Variants in ST3GAL6 observed in about 807,000 individuals in gnomAD.
ST3GAL6 encodes type 2 lactosamine alpha-2,3-sialyltransferase.
ST3GAL6 carries 31 observed loss-of-function variants against 40.5 expected under a neutral mutation model. That is an observed-to-expected ratio of 0.77 (90% CI 0.58 to 1.03). The LOEUF (loss-of-function observed/expected upper bound fraction) is 1.03. Ranked by LOEUF, ST3GAL6 falls within the 50% of genes least tolerant of loss-of-function variation. The pLI, the probability that ST3GAL6 is intolerant of heterozygous loss-of-function variation, is 0.00. For synonymous variants in ST3GAL6, 129 were observed against 136.9 expected (o/e 0.94, Z 0.40); for missense variants, 357 against 393.2 (o/e 0.91, Z 0.78).
rs1216171282 is a variant in ST3GAL6 at position 98,795,059 on chromosome 3, A to G, written c.*1298A>G. The G allele has an allele frequency of 1.3e-5, 2 of 152,186 alleles. No individual in the cohort carries two copies. The highest frequency in any genetic ancestry group is 2.9e-5 in the Non-Finnish European group (2 of 68,026). 9.4% of individuals were successfully genotyped at this position (152,186 alleles called of 1,614,324 possible). A position where few individuals can be genotyped will look rare whatever the true frequency, so the allele number is the denominator to read the frequency against. On this transcript the variant is annotated 3_prime_UTR_variant, in exon 10 of 10. Transcript: ENST00000483910. ...CCAATGCAAGCCAGTCAATCCTACA[A>G]ATGTGGTGAGCTAGTCTTCCTTCCT...
intron 1 of ST3GAL6, among the ~76,000 whole-genome samples, chr3:98,749,765 T>C (rs531109380): frequency 5.6e-4 from 85 of 152,318 alleles, no homozygotes; most frequent in Non-Finnish European, 9.4e-4. Context: ...AACATAAGAA[T>C]GCTTTCAAGT....
intron 1 of ST3GAL6, among the ~76,000 whole-genome samples, chr3:98,746,838 A>C (rs908279915): frequency 6.6e-6 from 1 of 152,188 alleles, no homozygotes; most frequent in Non-Finnish European, 1.5e-5. Context: ...TTGAGTCTTC[A>C]CATATTTGTT....
rs750135218 is a variant in ST3GAL6 at position 98,736,909 on chromosome 3, GGGA to G, written c.-12+4382_-12+4384del. ...TAAAGAAGAGTGCAAAAGACGGAGT[GGGA>G]GGAGATGTAGTCAGTAAGATAGGAA... On this transcript the variant is annotated intron_variant, in intron 1 of 9. Transcript: ENST00000265261. Among the ~76,000 whole-genome samples, 24 of 152,150 alleles carry G rather than the reference GGGA, an allele frequency of 1.6e-4. 1 individual carries two copies. Among genetic ancestry groups the G allele is most frequent in the Non-Finnish European group, 3.4e-4 (23 of 68,044 alleles).
At chr3:98,768,938 G>A (rs374466935) in intron 2 of ST3GAL6, among the ~76,000 whole-genome samples, 51 of 152,216 alleles carry the variant, frequency 3.4e-4, no homozygotes, top group African/African-American at 1.2e-3. Flanking sequence ...TTTGGTGAAC[G>A]ATGATATATG....
At chr3:98,788,269 T>G in intron 7 of ST3GAL6, 47 bp downstream of exon 7, 1 of 1,589,128 alleles carries the variant, frequency 6.3e-7, no homozygotes, top group Non-Finnish European at 8.6e-7. Context: ...TTAGTGCTTT[T>G]TTTCCTTAAA....
At chr3:98,784,551 G>A (rs1940499019) in intron 5 of ST3GAL6, 1 of 185,142 alleles carries the variant, frequency 5.4e-6, no homozygotes, top group African/African-American at 2.4e-5. Context: ...ATATGGAGGT[G>A]TGTTTCACAG....
chr3:98,758,639 T>C (rs1262256688), upstream of ST3GAL6, among the ~76,000 whole-genome samples: 3 of 152,228 alleles, frequency 2.0e-5, no homozygotes, highest in Non-Finnish European at 4.4e-5. Context: ...TTTAAGATGT[T>C]AAAATGATTG....
chr3:98,790,490 G>A (rs1174457470), intron 8 of ST3GAL6, among the ~76,000 whole-genome samples: 3 of 152,158 alleles, frequency 2.0e-5, no homozygotes, highest in African/African-American at 4.8e-5. Flanking sequence ...GAAGACTAGG[G>A]CTGTTGCAGG....
chr3:98,738,364 C>T (rs1935753003), intron 1 of ST3GAL6, among the ~76,000 whole-genome samples: 1 of 152,044 alleles, frequency 6.6e-6, no homozygotes, highest in Non-Finnish European at 1.5e-5. Flanking sequence ...GCCTCAGCCT[C>T]ATGGGCACAA....
chr3:98,772,945 G>GT (rs1939152571), intron 4 of ST3GAL6, 29 bp downstream of exon 4: 1 of 1,438,662 alleles, frequency 7.0e-7, no homozygotes, highest in African/African-American at 1.4e-5. Context: ...ACCTGGTTCT[G>GT]TTAAATTTGA....
chr3:98,792,501 TTTTAG>T (rs1941289294), intron 9 of ST3GAL6, among the ~76,000 whole-genome samples: 1 of 150,238 alleles, frequency 6.7e-6, no homozygotes, highest in South Asian at 2.1e-4. Context: ...TTTTTAACAA[TTTTAG>T]TTTAAATTTT....
chr3:98,771,811 A>C (rs1462722851), intron 3 of ST3GAL6, among the ~76,000 whole-genome samples: 1 of 152,206 alleles, frequency 6.6e-6, no homozygotes, highest in African/African-American at 2.4e-5. Flanking sequence ...AGTGAGGACC[A>C]CTGCAAAACT....
At chr3:98,740,995 T>C (rs1031059942) in intron 1 of ST3GAL6, among the ~76,000 whole-genome samples, 1 of 152,054 alleles carries the variant, frequency 6.6e-6, no homozygotes, top group African/African-American at 2.4e-5. Context: ...GCATCTATCA[T>C]ATGCCAAGTA....
intron 1 of ST3GAL6, chr3:98,732,839 GC>G (rs1935145291): frequency 6.7e-7 from 1 of 1,503,712 alleles, no homozygotes; most frequent in South Asian, 1.2e-5. Context: ...TTTGGTTTCT[GC>G]CGGCCTCGGG....
At chr3:98,772,183 G>C (rs1290688068) in intron 3 of ST3GAL6, 1 of 152,224 alleles carries the variant, frequency 6.6e-6, no homozygotes, top group East Asian at 1.9e-4. Flanking sequence ...GCGACAGGTA[G>C]ATTTATGTTT....
intron 1 of ST3GAL6, among the ~76,000 whole-genome samples, chr3:98,764,900 T>TA (rs199823754): frequency 0.011 from 1,599 of 151,568 alleles, 17 homozygotes; most frequent in Non-Finnish European, 0.015. Context: ...GCATTTAGGG[T>TA]AAAAAAAAAT....
chr3:98,734,332 C>T (rs1367799224), intron 1 of ST3GAL6, among the ~76,000 whole-genome samples: 1 of 152,144 alleles, frequency 6.6e-6, no homozygotes, highest in Non-Finnish European at 1.5e-5. Context: ...CCAAGATCTG[C>T]GAAAAACGAT....
chr3:98,789,476 C>A (rs965743984), intron 8 of ST3GAL6, among the ~76,000 whole-genome samples: 18 of 152,128 alleles, frequency 1.2e-4, no homozygotes, highest in African/African-American at 4.1e-4. Context: ...ATGATTATAC[C>A]ATAGGTATTG....
At chr3:98,773,120 C>T (rs1939168968) in intron 4 of ST3GAL6, 2 of 341,312 alleles carry the variant, frequency 5.9e-6, no homozygotes, top group Non-Finnish European at 1.1e-5. Context: ...CAAAGGATAA[C>T]AGGGGTAGAT....
Sources: allele counts gnomAD v4.1 joint callset (sites outside exome capture counted in the v4.1 genomes callset), GRCh38; gene constraint gnomAD v4.1.1; transcripts MANE v1.5; gene names NCBI Gene and HGNC (gene_info 2026-07-23, HGNC 2026-07-21).